TTC19: variants seen among roughly 807,000 people sequenced by gnomAD.
The protein encoded by TTC19 is tetratricopeptide repeat domain 19.
In TTC19, 38 loss-of-function variants were observed where a neutral mutation model predicts 49.5. The ratio of observed to expected loss-of-function variants is 0.77; its 90% CI spans 0.59 to 1.01. The LOEUF (loss-of-function observed/expected upper bound fraction) is 1.01, where lower values mean the gene tolerates loss of function less well. Among genes scored for constraint, TTC19 ranks in the 50% least tolerant of loss-of-function variants. TTC19 has a pLI of 0.00. For missense variants in TTC19, 475 were observed against 477.7 expected (o/e 0.99, Z 0.05); for synonymous variants, 204 against 185.2 (o/e 1.10, Z -0.83).
intron 2 of TTC19, chr17:16,039,451 C>CT: frequency 6.2e-7 from 1 of 1,613,918 alleles, no homozygotes; most frequent in Non-Finnish European, 8.5e-7. Flanking sequence ...GGTGATGGGT[C>CT]CCCTTCCTCT....
chr17:16,028,818 CAAAAAAA>C lies in TTC19; in HGVS notation c.*1318_*1324del, dbSNP rs59177775. The C allele has an allele frequency of 0.019, 1,854 of 98,850 alleles. 49 individuals carry two copies. Among genetic ancestry groups the C allele is most frequent in the African/African-American group, 0.13 (1,613 of 12,426 alleles). The allele number at this position is 98,850 out of a possible 1,614,324, so 6.1% of individuals were successfully genotyped here. Reference sequence around the variant, plus strand: ...GTATCCCAGTAATCTTTGCATTTCTCAAAAAAAAAAAAAAAAAAAAAAAAAAAACTTT... The same window carrying C: ...GTATCCCAGTAATCTTTGCATTTCTCAAAAAAAAAAAAAAAAAAAAACTTT... On this transcript the variant is annotated 3_prime_UTR_variant, in exon 10 of 10. Transcript: ENST00000261647.
chr17:16,030,335 AC>A (rs1971811548), downstream of TTC19: 1 of 223,160 alleles, frequency 4.5e-6, no homozygotes. Flanking sequence ...GTATAAGTGG[AC>A]CCACACAGTT....
chr17:16,007,780 G>A (rs942351902), intron 7 of TTC19, among the ~76,000 whole-genome samples: 15 of 152,086 alleles, frequency 9.9e-5, no homozygotes, highest in Admixed American at 7.9e-4. Flanking sequence ...AAAAACTTAC[G>A]GATTATTTCT....
chr17:16,020,780 C>T (rs1368130163), intron 7 of TTC19, among the ~76,000 whole-genome samples: 3 of 152,062 alleles, frequency 2.0e-5, no homozygotes, highest in Non-Finnish European at 4.4e-5. Context: ...TCAAGTGATC[C>T]TCCCACCTCA....
In TTC19 at chr17:15,999,842, C is replaced by T. The variant is rs767405358; in HGVS notation, c.-7C>T. The T allele has an allele frequency of 5.2e-6, 8 of 1,527,228 alleles. No individual in the cohort carries two copies. The highest frequency in any genetic ancestry group is 2.0e-5 in the Admixed American group (1 of 50,260). 94.6% of individuals were successfully genotyped at this position (1,527,228 alleles called of 1,614,324 possible). ...GGCCTGCAGTGCGCAGAGGACGCGG[C>T]GGGAGCATGTTCCGGCTCCTGAGCT... On this transcript the variant is annotated 5_prime_UTR_variant, in exon 1 of 10. Transcript: ENST00000261647.
At chr17:16,042,211 GTCT>G (rs1326473858) in intron 2 of TTC19, among the ~76,000 whole-genome samples, 3 of 152,186 alleles carry the variant, frequency 2.0e-5, no homozygotes, top group Non-Finnish European at 4.4e-5. Flanking sequence ...ATGGATGACA[GTCT>G]TCTTACTTAT....
intron 7 of TTC19, chr17:16,024,737 C>A: frequency 2.3e-6 from 1 of 431,946 alleles, no homozygotes; most frequent in South Asian, 2.3e-5. Context: ...GTTGTTAACT[C>A]ATTCTTCTTT....
intron 2 of TTC19, chr17:16,039,735 T>A: frequency 8.0e-7 from 1 of 1,248,940 alleles, no homozygotes; most frequent in Non-Finnish European, 1.1e-6. Flanking sequence ...ATCAGCCCAC[T>A]GAATACACAC....
downstream of TTC19, among the ~76,000 whole-genome samples, chr17:16,033,622 C>G (rs1973003459): frequency 6.7e-6 from 1 of 149,062 alleles, no homozygotes; most frequent in Non-Finnish European, 1.5e-5. Context: ...GCTTATAATT[C>G]TCTGAAACTC....
intron 2 of TTC19, among the ~76,000 whole-genome samples, chr17:16,038,461 G>A (rs1226793189): frequency 6.6e-6 from 1 of 151,464 alleles, no homozygotes; most frequent in African/African-American, 2.4e-5. Flanking sequence ...TTTTGAGACA[G>A]GGTCTCACTT....
chr17:16,026,130 G>C (rs765649497), intron 8 of TTC19, among the ~76,000 whole-genome samples: 1 of 139,164 alleles, frequency 7.2e-6, no homozygotes, highest in South Asian at 2.3e-4. Flanking sequence ...ATGAGCCTCA[G>C]GGTTATCAGC....
chr17:16,026,685 C>T lies in TTC19; in HGVS notation c.977C>T (p.Ala326Val). The T allele has an allele frequency of 6.2e-7, 1 of 1,614,074 alleles. No homozygotes were observed. Among genetic ancestry groups the T allele is most frequent in the Non-Finnish European group, 8.5e-7 (1 of 1,179,966 alleles). ...ELHMVLSNLA[A>V]VLMHRERYTQ... ...CACATGGTACTCAGTAATCTAGCTG[C>T]AGTTTTGATGCACAGAGGTAGGTAG... The change falls in exon 9 of 10, where the codon GCA becomes GTA. Residue 326 changes from alanine (A) to valine (V), a missense_variant. Coordinates refer to ENST00000261647, the MANE Select transcript of TTC19 (RefSeq NM_017775.4).
At position 16,029,188 on chromosome 17, in the gene TTC19, T is replaced by G. The variant is rs530998213; in HGVS notation, c.*1666T>G. 63 of 453,670 alleles carry G rather than the reference T, an allele frequency of 1.4e-4. No homozygotes were observed. Among genetic ancestry groups the G allele is most frequent in the African/African-American group, 1.0e-3 (51 of 50,100 alleles). The allele number at this position is 453,670 out of a possible 1,614,324, so 28.1% of individuals were successfully genotyped here. On this transcript the variant is annotated 3_prime_UTR_variant, in exon 10 of 10. Coordinates refer to ENST00000261647, the MANE Select transcript of TTC19 (RefSeq NM_017775.4). ...ATTCCAAGTTTTATTTATTTATTAA[T>G]TTTAAATCATCCACAGTGACTCAGC...
intron 6 of TTC19, among the ~76,000 whole-genome samples, chr17:16,005,611 A>G (rs1235689338): frequency 1.3e-5 from 2 of 152,088 alleles, no homozygotes; most frequent in Non-Finnish European, 2.9e-5. Context: ...GGTTGACTCA[A>G]CCCTCTCCAG....
chr17:16,040,868 T>C (rs1029815053), intron 2 of TTC19: 1 of 192,974 alleles, frequency 5.2e-6, no homozygotes, highest in Non-Finnish European at 1.1e-5. Context: ...TCCCATCTGT[T>C]TACCAAAAAT....
At chr17:16,021,750 T>C (rs982109679) in intron 7 of TTC19, among the ~76,000 whole-genome samples, 1 of 152,174 alleles carries the variant, frequency 6.6e-6, no homozygotes, top group Non-Finnish European at 1.5e-5. Flanking sequence ...TTTTCTAAAA[T>C]TTTGGGGGAT....
At chr17:16,026,730 TTGC>T in intron 9 of TTC19, 28 bp downstream of exon 9, 8 of 1,612,892 alleles carry the variant, frequency 5.0e-6, no homozygotes, top group Non-Finnish European at 6.8e-6. Context: ...CTTAACTGAC[TTGC>T]TTTAAGGGAG....
chr17:16,008,744 C>T (rs1970982596), intron 7 of TTC19, among the ~76,000 whole-genome samples: 1 of 152,046 alleles, frequency 6.6e-6, no homozygotes, highest in African/African-American at 2.4e-5. Context: ...TTCCCCCTAC[C>T]TAGACTGTTC....
At position 16,000,099 on chromosome 17, in the gene TTC19, T is replaced by C; in HGVS notation, c.185-19T>C. On this transcript the variant is annotated intron_variant, in intron 1 of 9. Transcript: ENST00000261647. Reference sequence around the variant, plus strand: ...GGGGCGCGGGCCGGGCCCGATGACCTCAGAGCCCCTTCCCGCAGCGCTCGC... The same window carrying C: ...GGGGCGCGGGCCGGGCCCGATGACCCCAGAGCCCCTTCCCGCAGCGCTCGC... The C allele has an allele frequency of 6.6e-7, 1 of 1,518,928 alleles. No individual in the cohort carries two copies. Among genetic ancestry groups the C allele is most frequent in the Non-Finnish European group, 8.8e-7 (1 of 1,139,472 alleles). 94.1% of individuals were successfully genotyped at this position (1,518,928 alleles called of 1,614,324 possible). A position where few individuals can be genotyped will look rare whatever the true frequency, so the allele number is the denominator to read the frequency against.
Sources: allele counts gnomAD v4.1 joint callset (sites outside exome capture counted in the v4.1 genomes callset), GRCh38; gene constraint gnomAD v4.1.1; transcripts MANE v1.5; gene names NCBI Gene and HGNC (gene_info 2026-07-23, HGNC 2026-07-21).